The following ZFHX3 variants were observed in gnomAD, a reference collection of about 807,000 sequenced individuals.
ZFHX3 encodes the protein zinc finger homeobox protein 3.
Under a neutral mutation model 279.1 loss-of-function variants are expected in ZFHX3, and 42 were observed. The ratio of observed to expected loss-of-function variants is 0.15; its 90% CI spans 0.12 to 0.19. ZFHX3 has a LOEUF of 0.19. Among genes scored for constraint, ZFHX3 ranks in the 10% least tolerant of loss-of-function variants. ZFHX3 has a pLI of 1.00. For missense variants in ZFHX3, 4,981 were observed against 4,754.0 expected, an observed-to-expected ratio of 1.05 and a Z score of -1.40; for synonymous variants, 2,293 against 1,957.8, an observed-to-expected ratio of 1.17 and a Z score of -4.52.
intron 1 of ZFHX3, among the ~76,000 whole-genome samples, chr16:73,876,088 A>G (rs893320388): frequency 2.6e-5 from 4 of 152,216 alleles, no homozygotes; most frequent in Non-Finnish European, 5.9e-5. Flanking sequence ...AAAAGGAGCT[A>G]AAGCCACAGC....
chr16:73,653,058 C>G (rs1262381624), intron 2 of ZFHX3, among the ~76,000 whole-genome samples: 2 of 151,762 alleles, frequency 1.3e-5, no homozygotes, highest in African/African-American at 4.8e-5. Flanking sequence ...ACATATCAAC[C>G]AGAAGAAAAG....
chr16:73,525,615 C>T (rs1412987704), intron 2 of ZFHX3, among the ~76,000 whole-genome samples: 2 of 151,966 alleles, frequency 1.3e-5, no homozygotes, highest in Admixed American at 6.6e-5. Flanking sequence ...ACCAGTGTAC[C>T]CCAAGATACC....
At chr16:73,499,615 T>C (rs2019200784) in intron 2 of ZFHX3, 1 of 152,110 alleles carries the variant, frequency 6.6e-6, no homozygotes, top group Non-Finnish European at 1.5e-5. Flanking sequence ...TGAAAGCAAA[T>C]TTGAGAAAAC....
chr16:72,876,470 C>T (rs2038316558), intron 4 of ZFHX3, among the ~76,000 whole-genome samples: 1 of 152,138 alleles, frequency 6.6e-6, no homozygotes, highest in African/African-American at 2.4e-5. Context: ...CCATCCCCAG[C>T]CATCCAACCA....
At chr16:73,090,665 T>G (rs958491769) in intron 8 of ZFHX3, among the ~76,000 whole-genome samples, 3 of 151,410 alleles carry the variant, frequency 2.0e-5, no homozygotes, top group African/African-American at 7.3e-5. Context: ...GGCAGGCAGA[T>G]TGCTTGAGCC....
intron 5 of ZFHX3, among the ~76,000 whole-genome samples, chr16:73,184,501 C>T (rs1298814905): frequency 6.6e-6 from 1 of 152,070 alleles, no homozygotes; most frequent in African/African-American, 2.4e-5. Context: ...CTGCCACTGC[C>T]CAAGTGGGGA....
At chr16:73,812,466 G>A (rs1023586550) in intron 1 of ZFHX3, among the ~76,000 whole-genome samples, 6 of 152,016 alleles carry the variant, frequency 3.9e-5, no homozygotes, top group Admixed American at 6.5e-5. Flanking sequence ...GACTGCATTC[G>A]TTGACCCCTG....
chr16:73,775,523 A>G (rs1959224019), intron 1 of ZFHX3, among the ~76,000 whole-genome samples: 1 of 152,140 alleles, frequency 6.6e-6, no homozygotes, highest in Non-Finnish European at 1.5e-5. Context: ...TTTGGAGGCA[A>G]TGCTATTTCC....
chr16:72,816,601 G>C (rs1305510793), intron 5 of ZFHX3, among the ~76,000 whole-genome samples: 1 of 152,138 alleles, frequency 6.6e-6, no homozygotes, highest in Non-Finnish European at 1.5e-5. Context: ...GTGCTGATGA[G>C]GCACAGGAAA....
At chr16:72,858,247 CTTAT>C (rs1178224078) in intron 4 of ZFHX3, among the ~76,000 whole-genome samples, 4 of 152,284 alleles carry the variant, frequency 2.6e-5, no homozygotes, top group East Asian at 1.9e-4. Context: ...GACTTTATGA[CTTAT>C]TTATTTATTT....
At chr16:73,221,808 C>A (rs2012430127) in intron 5 of ZFHX3, among the ~76,000 whole-genome samples, 1 of 152,038 alleles carries the variant, frequency 6.6e-6, no homozygotes, top group Non-Finnish European at 1.5e-5. Flanking sequence ...AAAAGACCCT[C>A]TATTGTACAC....
intron 2 of ZFHX3, among the ~76,000 whole-genome samples, chr16:73,583,367 G>C (rs2051881532): frequency 6.6e-6 from 1 of 152,202 alleles, no homozygotes; most frequent in South Asian, 2.1e-4. Context: ...TTGAAAACCA[G>C]AGAGTTAACT....
At chr16:73,316,417 C>A (rs894065421) in intron 4 of ZFHX3, among the ~76,000 whole-genome samples, 7 of 152,162 alleles carry the variant, frequency 4.6e-5, no homozygotes, top group South Asian at 4.2e-4. Flanking sequence ...CTTGACTGTC[C>A]ACAGGTCATC....
chr16:72,802,897 T>C (rs961946214), intron 7 of ZFHX3, among the ~76,000 whole-genome samples: 3 of 152,162 alleles, frequency 2.0e-5, no homozygotes, highest in South Asian at 2.1e-4. Context: ...TGAGGTGATA[T>C]ATATATCCAA....
At chr16:73,329,533 C>T (rs2015759401) in intron 3 of ZFHX3, among the ~76,000 whole-genome samples, 1 of 152,356 alleles carries the variant, frequency 6.6e-6, no homozygotes, top group South Asian at 2.1e-4. Flanking sequence ...CCCTTGCATA[C>T]TAATCAGGAG....
intron 1 of ZFHX3, among the ~76,000 whole-genome samples, chr16:73,775,216 G>A (rs984912497): frequency 6.6e-6 from 1 of 152,108 alleles, no homozygotes; most frequent in Non-Finnish European, 1.5e-5. Context: ...ACCCTGCTTC[G>A]ACTGCAAAGA....
At chr16:73,831,385 G>A (rs977063079) in intron 1 of ZFHX3, among the ~76,000 whole-genome samples, 1 of 152,220 alleles carries the variant, frequency 6.6e-6, no homozygotes, top group Non-Finnish European at 1.5e-5. Context: ...GGGCTCTGAT[G>A]AGAGGTGCTA....
chr16:73,853,847 C>T (rs1362931261), intron 1 of ZFHX3, among the ~76,000 whole-genome samples: 1 of 152,138 alleles, frequency 6.6e-6, no homozygotes, highest in Non-Finnish European at 1.5e-5. Flanking sequence ...TTAAAAAAGA[C>T]TGAAAAAGTT....
chr16:73,320,330 A>T (rs1469247234), intron 3 of ZFHX3, among the ~76,000 whole-genome samples: 2 of 152,174 alleles, frequency 1.3e-5, no homozygotes, highest in Admixed American at 1.3e-4. Flanking sequence ...ACAAAACTCA[A>T]CCCATGAGCT....
Sources: gnomAD v4.1 joint callset for allele counts (sites outside exome capture counted in the v4.1 genomes callset) on GRCh38, gnomAD v4.1.1 for gene constraint, MANE v1.5 for transcripts, NCBI Gene and HGNC (gene_info 2026-07-23, HGNC 2026-07-21) for gene names.